Variants in ITSN1 observed in about 807,000 individuals in gnomAD.
ITSN1 encodes intersectin-1.
A neutral mutation model predicts 239.8 loss-of-function variants in ITSN1; 58 were observed. That is an observed-to-expected ratio of 0.24 (90% CI 0.20 to 0.30). The LOEUF (loss-of-function observed/expected upper bound fraction) is 0.30. Ranked by LOEUF, ITSN1 falls within the 10% of genes least tolerant of loss-of-function variation. ITSN1 has a pLI of 1.00. For missense variants in ITSN1, 1,558 were observed against 2,103.3 expected, an observed-to-expected ratio of 0.74 and a Z score of 5.07; for synonymous variants, 780 against 770.8, an observed-to-expected ratio of 1.01 and a Z score of -0.20.
intron 4 of ITSN1, among the ~76,000 whole-genome samples, chr21:33,726,137 G>A (rs929696339): frequency 4.6e-5 from 7 of 152,122 alleles, no homozygotes; most frequent in Non-Finnish European, 1.0e-4. Flanking sequence ...GAGATTACAG[G>A]TGCCCACGAC....
chr21:33,856,427 C>T (rs1979355964), intron 29 of ITSN1, among the ~76,000 whole-genome samples: 1 of 152,196 alleles, frequency 6.6e-6, no homozygotes, highest in Non-Finnish European at 1.5e-5. Context: ...CACATCACTC[C>T]AGGTTCTGCC....
chr21:33,723,908 C>A (rs555557615), intron 4 of ITSN1, among the ~76,000 whole-genome samples: 1 of 152,270 alleles, frequency 6.6e-6, no homozygotes, highest in Non-Finnish European at 1.5e-5. Context: ...CTACTTTGTC[C>A]TCTTAAATTA....
At chr21:33,737,599 A>G (rs1240106164) in intron 5 of ITSN1, among the ~76,000 whole-genome samples, 1 of 151,822 alleles carries the variant, frequency 6.6e-6, no homozygotes, top group East Asian at 1.9e-4. Context: ...TTTGAGACAG[A>G]CTCTCACTTA....
intron 30 of ITSN1, 27 bp from the exon 31 acceptor site, chr21:33,858,659 G>T: frequency 6.9e-7 from 1 of 1,450,566 alleles, no homozygotes; most frequent in South Asian, 1.1e-5. Context: ...ACTGCTTTCT[G>T]AACTGCTTCG....
intron 5 of ITSN1, among the ~76,000 whole-genome samples, chr21:33,737,117 T>G (rs2066550956): frequency 6.6e-6 from 1 of 152,260 alleles, no homozygotes; most frequent in Non-Finnish European, 1.5e-5. Flanking sequence ...CTCTCAAACC[T>G]GGGGTCAATA....
intron 14 of ITSN1, among the ~76,000 whole-genome samples, chr21:33,781,111 A>G (rs753373442): frequency 1.1e-4 from 16 of 152,220 alleles, no homozygotes; most frequent in Non-Finnish European, 2.1e-4. Context: ...AAACAGTAGG[A>G]TCACTGCATT....
intron 31 of ITSN1, among the ~76,000 whole-genome samples, chr21:33,860,764 G>A (rs1980363708): frequency 6.6e-6 from 1 of 152,088 alleles, no homozygotes; most frequent in Non-Finnish European, 1.5e-5. Flanking sequence ...CTGCCCCCGT[G>A]GAAAAAAACA....
intron 34 of ITSN1, among the ~76,000 whole-genome samples, chr21:33,881,965 AAAAG>A (rs1018060370): frequency 1.4e-5 from 2 of 146,718 alleles, no homozygotes; most frequent in African/African-American, 4.9e-5. Flanking sequence ...AAAAAAAAAG[AAAAG>A]AAAAAACACA....
chr21:33,852,652 A>G (rs1256724686), intron 29 of ITSN1, among the ~76,000 whole-genome samples: 1 of 152,160 alleles, frequency 6.6e-6, no homozygotes, highest in East Asian at 1.9e-4. Context: ...GGGACGGCAC[A>G]CAGATTAGGA....
chr21:33,806,832 G>A (rs528365387), intron 20 of ITSN1, among the ~76,000 whole-genome samples: 8 of 152,288 alleles, frequency 5.3e-5, no homozygotes, highest in South Asian at 2.1e-4. Flanking sequence ...AAAAGTCCAC[G>A]TTGGAACCAG....
chr21:33,774,973 T>TA lies in ITSN1; in HGVS notation c.1466dup (p.His490AlafsTer22). On this transcript the variant is annotated frameshift_variant, in exon 14 of 40. Transcript: ENST00000381318. LOFTEE classifies it high-confidence loss of function. The stretch of plus-strand genomic sequence containing the variant: ...TTATCTTTCATTTGTTCAAGAATGA[T>TA]AAAAAGCATCAACTAGAAGGGAAAC... The TA allele has an allele frequency of 6.2e-7, 1 of 1,611,372 alleles. No individual in the cohort carries two copies. Among genetic ancestry groups the TA allele is most frequent in the Non-Finnish European group, 8.5e-7 (1 of 1,178,960 alleles).
chr21:33,664,016 C>G (rs898831777), intron 1 of ITSN1, among the ~76,000 whole-genome samples: 2 of 152,158 alleles, frequency 1.3e-5, no homozygotes, highest in African/African-American at 4.8e-5. Context: ...CTAAAAAGTC[C>G]TCAGTGAGGC....
At chr21:33,737,843 G>A (rs1399191701) in intron 5 of ITSN1, among the ~76,000 whole-genome samples, 1 of 152,030 alleles carries the variant, frequency 6.6e-6, no homozygotes, top group Non-Finnish European at 1.5e-5. Context: ...CAAAGTGTTG[G>A]CATTACAGGA....
chr21:33,783,933 G>C (rs764684163), intron 16 of ITSN1, among the ~76,000 whole-genome samples: 6 of 152,104 alleles, frequency 3.9e-5, no homozygotes, highest in East Asian at 1.9e-4. Context: ...TTTGGTGATT[G>C]AATTTCTGTT....
intron 19 of ITSN1, among the ~76,000 whole-genome samples, chr21:33,801,067 C>T (rs1216022618): frequency 6.6e-6 from 1 of 152,058 alleles, no homozygotes; most frequent in East Asian, 1.9e-4. Context: ...GATAGGGTTT[C>T]TCCGTGTTGC....
At chr21:33,732,315 G>A (rs1205862989) in intron 4 of ITSN1, among the ~76,000 whole-genome samples, 1 of 152,148 alleles carries the variant, frequency 6.6e-6, no homozygotes, top group Non-Finnish European at 1.5e-5. Flanking sequence ...CCAAAAGGGA[G>A]GAGGGTATAA....
chr21:33,774,938 A>C (rs372809065), intron 13 of ITSN1, 30 bp from the exon 14 acceptor site: 6 of 1,603,628 alleles, frequency 3.7e-6, no homozygotes, highest in Admixed American at 1.7e-5. Context: ...AAAAACAGTA[A>C]TAATTTTTAT....
At chr21:33,870,244 T>G in intron 33 of ITSN1, among the ~76,000 whole-genome samples, 1 of 152,204 alleles carries the variant, frequency 6.6e-6, no homozygotes, top group Non-Finnish European at 1.5e-5. Context: ...TTTAATTAGC[T>G]CAGTACTTCT....
Position 33,690,820 on chromosome 21 carries a change from T to C in ITSN1, c.-32-27977T>C, listed in dbSNP as rs1299105810. Among the ~76,000 whole-genome samples, 5 of 40,276 alleles carry C rather than the reference T, an allele frequency of 1.2e-4. No individual in the cohort carries two copies. The South Asian group carries it at 2.5e-3, about 20-fold the overall frequency. The allele number at this position is 40,276 out of a possible 152,430, so 26.4% of individuals were successfully genotyped here. ...ATATATATATATATATATATGTATA[T>C]ATATATATATATATATATGTAAAAG... On this transcript the variant is annotated intron_variant, in intron 1 of 39. Transcript: ENST00000381318.
Sources: gnomAD v4.1 joint callset for allele counts (sites outside exome capture counted in the v4.1 genomes callset) on GRCh38, gnomAD v4.1.1 for gene constraint, MANE v1.5 for transcripts, NCBI Gene and HGNC (gene_info 2026-07-23, HGNC 2026-07-21) for gene names.